The following FMO1 variants were observed in gnomAD, a reference collection of about 807,000 sequenced individuals.
FMO1 encodes flavin containing dimethylaniline monoxygenase 1.
A neutral mutation model predicts 45.4 loss-of-function variants in FMO1; 36 were observed. That is an observed-to-expected ratio of 0.79 (90% CI 0.61 to 1.05). The LOEUF is 1.05. Among genes scored for constraint, FMO1 ranks in the 50% least tolerant of loss-of-function variants. The pLI, the probability that FMO1 is intolerant of heterozygous loss-of-function variation, is 0.00. For synonymous variants in FMO1, 228 were observed against 227.2 expected, an observed-to-expected ratio of 1.00 and a Z score of -0.03; for missense variants, 615 against 640.3, an observed-to-expected ratio of 0.96 and a Z score of 0.43.
chr1:171,275,103 T>A (rs1017087546), intron 3 of FMO1, among the ~76,000 whole-genome samples: 16 of 152,204 alleles, frequency 1.1e-4, no homozygotes, highest in African/African-American at 3.9e-4. Context: ...TCTGTGAGAA[T>A]TTGAGCAAAT....
At chr1:171,267,028 C>G (rs1006336191) in intron 2 of FMO1, among the ~76,000 whole-genome samples, 1 of 152,184 alleles carries the variant, frequency 6.6e-6, no homozygotes, top group Non-Finnish European at 1.5e-5. Flanking sequence ...GTTTTGCAAT[C>G]CTATGTGTTC....
chr1:171,273,114 A>G (rs1225653328), intron 3 of FMO1, among the ~76,000 whole-genome samples: 1 of 152,186 alleles, frequency 6.6e-6, no homozygotes, highest in Admixed American at 6.5e-5. Context: ...AAGTCTCACA[A>G]GATCTGATGG....
At chr1:171,250,918 C>A (rs942641656) in intron 1 of FMO1, among the ~76,000 whole-genome samples, 1 of 152,116 alleles carries the variant, frequency 6.6e-6, no homozygotes, top group African/African-American at 2.4e-5. Context: ...GGGGTTCAAT[C>A]AGGCTGGTGG....
chr1:171,262,522 CATTG>C (rs1460241794), intron 2 of FMO1, among the ~76,000 whole-genome samples: 2 of 152,188 alleles, frequency 1.3e-5, no homozygotes, highest in Non-Finnish European at 2.9e-5. Context: ...ATTCAACAAA[CATTG>C]ATTGAAACCC....
intron 4 of FMO1, among the ~76,000 whole-genome samples, chr1:171,275,868 G>A (rs1248456596): frequency 6.6e-6 from 1 of 152,092 alleles, no homozygotes; most frequent in Non-Finnish European, 1.5e-5. Flanking sequence ...CATTGCCAAA[G>A]TTGAGTTTAG....
At chr1:171,278,488 T>C (rs1661202723) in intron 4 of FMO1, among the ~76,000 whole-genome samples, 2 of 152,202 alleles carry the variant, frequency 1.3e-5, no homozygotes, top group Non-Finnish European at 2.9e-5. Flanking sequence ...TTCAGCTCAG[T>C]AGTTAACTAT....
intron 4 of FMO1, 53 bp downstream of exon 4, chr1:171,275,561 T>A: frequency 7.5e-7 from 1 of 1,336,586 alleles, no homozygotes; most frequent in Admixed American, 1.9e-5. Flanking sequence ...GCCATTCTGA[T>A]GCTTGATTGG....
At chr1:171,271,604 C>T in intron 3 of FMO1, 1 of 760,514 alleles carries the variant, frequency 1.3e-6, no homozygotes, top group Non-Finnish European at 2.4e-6. Flanking sequence ...GTTATTTTTC[C>T]CCAGTGAGGC....
At chr1:171,254,598 T>A (rs1415855746) in intron 1 of FMO1, among the ~76,000 whole-genome samples, 2 of 152,162 alleles carry the variant, frequency 1.3e-5, no homozygotes. Context: ...ATAGACATGA[T>A]CAGTTCATCA....
At chr1:171,278,071 C>T (rs1661183416) in intron 4 of FMO1, among the ~76,000 whole-genome samples, 1 of 152,160 alleles carries the variant, frequency 6.6e-6, no homozygotes, top group Non-Finnish European at 1.5e-5. Flanking sequence ...AGCATCACTG[C>T]CTAAGGTATC....
chr1:171,274,417 C>T lies in FMO1; in HGVS notation c.322-929C>T, dbSNP rs188794565. On this transcript the variant is annotated intron_variant, in intron 3 of 8. Coordinates refer to ENST00000617670, the MANE Select transcript of FMO1 (RefSeq NM_001282693.2). ...CTGGGACTACAGGCATGGGCCACCA[C>T]ACCTGGGTAATTTTTTGTATTTTTT... 2.4e-4 allele frequency among the ~76,000 whole-genome samples: 37 copies of T among 152,068 alleles called. 1 individual carries two copies. In the East Asian group the frequency reaches 7.0e-3, roughly 29 times the overall value.
intron 3 of FMO1, among the ~76,000 whole-genome samples, chr1:171,273,526 G>A (rs1660962453): frequency 6.6e-6 from 1 of 151,928 alleles, no homozygotes; most frequent in Non-Finnish European, 1.5e-5. Context: ...TGTTGTTGTT[G>A]TTTGAAACAA....
rs557906860 is a variant in FMO1 at position 171,272,281 on chromosome 1, A to T, written c.322-3065A>T. Among the ~76,000 whole-genome samples, 193 of 152,336 alleles carry T rather than the reference A, an allele frequency of 1.3e-3. 2 individuals are homozygous for T. Among genetic ancestry groups the T allele is most frequent in the African/African-American group, 4.6e-3 (190 of 41,568 alleles). On this transcript the variant is annotated intron_variant, in intron 3 of 8. Coordinates refer to ENST00000617670, the MANE Select transcript of FMO1 (RefSeq NM_001282693.2). ...GGAACCTTCACCTAGATTTCACAGG[A>T]TGTATGGAAATGCCTGGATGTGCAG...
chr1:171,250,277 T>G (rs1659826472), intron 1 of FMO1, among the ~76,000 whole-genome samples: 1 of 152,226 alleles, frequency 6.6e-6, no homozygotes, highest in South Asian at 2.1e-4. Context: ...AATACTTGCT[T>G]TTTGTCATAG....
At chr1:171,271,513 C>A (rs751222806) in intron 3 of FMO1, 4 of 891,446 alleles carry the variant, frequency 4.5e-6, no homozygotes, top group Non-Finnish European at 7.5e-6. Flanking sequence ...TTCTTATGCT[C>A]TTCCCGACAA....
rs546414593 is a variant in FMO1 at position 171,264,324 on chromosome 1, G to GTA, written c.133-3208_133-3207dup. ...TTTAAAATTTTTAATTTGTGTGTGT[G>GTA]TATATATATATACACACACACACAC... is the stretch of plus-strand genomic sequence containing the variant. On this transcript the variant is annotated intron_variant, in intron 2 of 8. Coordinates refer to ENST00000617670, the MANE Select transcript of FMO1 (RefSeq NM_001282693.2). 1.0e-3 allele frequency among the ~76,000 whole-genome samples: 154 copies of GTA among 146,788 alleles called. No individual in the cohort carries two copies. The South Asian group carries it at 0.013, about 12-fold the overall frequency.
intron 3 of FMO1, 85 bp downstream of exon 3, chr1:171,267,816 A>G: frequency 1.0e-6 from 1 of 999,868 alleles, no homozygotes; most frequent in Non-Finnish European, 1.5e-6. Flanking sequence ...TGGGCTCTGT[A>G]GATGAGATAC....
intron 3 of FMO1, chr1:171,271,558 C>T (rs1198758565): frequency 4.9e-6 from 4 of 817,028 alleles, no homozygotes; most frequent in Non-Finnish European, 6.4e-6. Flanking sequence ...GACATTTTGC[C>T]TCTTGGCTTC....
intron 7 of FMO1, chr1:171,282,689 A>C (rs887875211): frequency 8.8e-6 from 2 of 226,024 alleles, no homozygotes; most frequent in African/African-American, 4.6e-5. Context: ...ATGATCATAG[A>C]TTACTGCAGC....
Sources: gnomAD v4.1 joint callset for allele counts (sites outside exome capture counted in the v4.1 genomes callset) on GRCh38, gnomAD v4.1.1 for gene constraint, MANE v1.5 for transcripts, NCBI Gene and HGNC (gene_info 2026-07-23, HGNC 2026-07-21) for gene names.